The following ORC5 variants were observed in gnomAD, a reference collection of about 807,000 sequenced individuals.
ORC5 encodes the protein protein phosphatase 1, regulatory subunit 117.
In ORC5, 39 loss-of-function variants were observed where a neutral mutation model predicts 58.8. The observed-to-expected ratio is 0.66, with a 90% CI of 0.51 to 0.87. ORC5 has a LOEUF of 0.87. Among genes scored for constraint, ORC5 ranks in the 40% least tolerant of loss-of-function variants. The probability of loss-of-function intolerance (pLI) is 0.00; values close to 1 mark genes in which losing one functional copy is unlikely to be tolerated. For missense variants in ORC5, 493 were observed against 506.3 expected, an observed-to-expected ratio of 0.97 and a Z score of 0.25; for synonymous variants, 218 against 177.6, an observed-to-expected ratio of 1.23 and a Z score of -1.81.
At chr7:104,184,251 G>T in intron 6 of ORC5, 80 bp from the exon 7 acceptor site, 2 of 906,348 alleles carry the variant, frequency 2.2e-6, no homozygotes, top group Non-Finnish European at 3.3e-6. Flanking sequence ...AGTAAAATCT[G>T]TATTGCAGTT....
At chr7:104,137,818 A>G (rs528383655) in intron 12 of ORC5, among the ~76,000 whole-genome samples, 7 of 152,280 alleles carry the variant, frequency 4.6e-5, no homozygotes, top group Admixed American at 1.3e-4. Context: ...CCACTATTCA[A>G]TAAAACCTTG....
At chr7:104,137,668 G>T (rs370688955) in intron 12 of ORC5, among the ~76,000 whole-genome samples, 1 of 151,866 alleles carries the variant, frequency 6.6e-6, no homozygotes, top group Non-Finnish European at 1.5e-5. Flanking sequence ...GCAACATACC[G>T]GCAGACACCA....
intron 3 of ORC5, 30 bp downstream of exon 3, chr7:104,200,728 G>A (rs765045052): frequency 6.6e-5 from 86 of 1,298,956 alleles, no homozygotes; most frequent in Non-Finnish European, 9.0e-5. Flanking sequence ...TTCAAGATAA[G>A]AGATGATCTA....
chr7:104,130,784 G>T (rs930745133), intron 13 of ORC5, among the ~76,000 whole-genome samples: 1 of 152,108 alleles, frequency 6.6e-6, no homozygotes, highest in African/African-American at 2.4e-5. Context: ...AACATGTTGG[G>T]ACAATCAGTT....
intron 12 of ORC5, among the ~76,000 whole-genome samples, chr7:104,159,411 G>A (rs1798986517): frequency 6.8e-6 from 1 of 147,644 alleles, no homozygotes; most frequent in African/African-American, 2.5e-5. Flanking sequence ...ACACCAGCAT[G>A]GCACATGTAT....
intron 10 of ORC5, 116 bp downstream of exon 10, chr7:104,166,656 C>T: frequency 1.6e-6 from 1 of 620,888 alleles, no homozygotes. Flanking sequence ...GTCCTAAATA[C>T]ATATTTGGCA....
At chr7:104,131,358 C>T (rs1798509600) in intron 13 of ORC5, among the ~76,000 whole-genome samples, 2 of 152,192 alleles carry the variant, frequency 1.3e-5, no homozygotes, top group South Asian at 2.1e-4. Context: ...CTCTCATCTA[C>T]AGCTCTTGCA....
At chr7:104,198,209 G>A (rs1799848056) in intron 3 of ORC5, among the ~76,000 whole-genome samples, 1 of 152,154 alleles carries the variant, frequency 6.6e-6, no homozygotes, top group Admixed American at 6.5e-5. Context: ...CCAGTCCTTG[G>A]TAGTCTGTTA....
chr7:104,184,645 A>G (rs1799505700), intron 6 of ORC5, among the ~76,000 whole-genome samples: 1 of 151,978 alleles, frequency 6.6e-6, no homozygotes, highest in Non-Finnish European at 1.5e-5. Context: ...ATATTTTGAT[A>G]TGGCTAATCA....
chr7:104,203,110 C>T (rs1001647379), intron 2 of ORC5, among the ~76,000 whole-genome samples: 1 of 152,104 alleles, frequency 6.6e-6, no homozygotes, highest in South Asian at 2.1e-4. Flanking sequence ...ACAGGAAGAG[C>T]GAGTACAGGA....
At chr7:104,205,082 T>C (rs1300241486) in intron 1 of ORC5, among the ~76,000 whole-genome samples, 3 of 133,512 alleles carry the variant, frequency 2.2e-5, no homozygotes, top group Non-Finnish European at 3.2e-5. Flanking sequence ...TTTTTAATAA[T>C]ACTCTTTTTT....
intron 12 of ORC5, among the ~76,000 whole-genome samples, chr7:104,152,389 C>T (rs1798860503): frequency 1.3e-5 from 2 of 152,136 alleles, no homozygotes. Context: ...AATGATCCTC[C>T]TACCCCAGTC....
intron 8 of ORC5, among the ~76,000 whole-genome samples, chr7:104,177,855 A>T (rs1799354963): frequency 6.6e-6 from 1 of 152,192 alleles, no homozygotes; most frequent in African/African-American, 2.4e-5. Flanking sequence ...GTTTGCTGAG[A>T]ATGATGGCTT....
At chr7:104,159,612 C>T (rs11984388) in intron 12 of ORC5, among the ~76,000 whole-genome samples, 102,441 of 151,362 alleles carry the variant, frequency 0.68, 35,412 homozygotes, top group Non-Finnish European at 0.76. Flanking sequence ...CTATCCTTCA[C>T]TGTGCCCCTC....
intron 12 of ORC5, among the ~76,000 whole-genome samples, chr7:104,137,439 G>C (rs194850): frequency 0.32 from 48,949 of 151,740 alleles, 8,672 homozygotes; most frequent in East Asian, 0.52. Context: ...CATGGTCCCT[G>C]GCTAGTGCTC....
intron 5 of ORC5, among the ~76,000 whole-genome samples, chr7:104,189,156 T>C (rs557200805): frequency 6.6e-6 from 1 of 152,188 alleles, no homozygotes; most frequent in South Asian, 2.1e-4. Context: ...GAGCCCTGTA[T>C]TGTCACATAC....
chr7:104,167,485 C>A (rs2115875971), intron 9 of ORC5, among the ~76,000 whole-genome samples: 1 of 152,286 alleles, frequency 6.6e-6, no homozygotes, highest in South Asian at 2.1e-4. Context: ...GTACATAAAT[C>A]ATACCCCTTA....
intron 11 of ORC5, among the ~76,000 whole-genome samples, chr7:104,164,937 GAGGAAA>G (rs1799082047): frequency 6.6e-6 from 1 of 152,112 alleles, no homozygotes; most frequent in Non-Finnish European, 1.5e-5. Flanking sequence ...GGAAAGAAAA[GAGGAAA>G]ATGCCTGTAT....
At chr7:104,148,393 A>G (rs1000904898) in intron 12 of ORC5, among the ~76,000 whole-genome samples, 2 of 152,214 alleles carry the variant, frequency 1.3e-5, no homozygotes, top group Non-Finnish European at 2.9e-5. Flanking sequence ...TCCACCTTGC[A>G]TTCTACAGTG....
Sources: gnomAD v4.1 joint callset for allele counts (sites outside exome capture counted in the v4.1 genomes callset) on GRCh38, gnomAD v4.1.1 for gene constraint, MANE v1.5 for transcripts, NCBI Gene and HGNC (gene_info 2026-07-23, HGNC 2026-07-21) for gene names.